JAZF1: variants seen among roughly 807,000 people sequenced by gnomAD.
JAZF1 encodes the protein juxtaposed with another zinc finger protein 1.
Under a neutral mutation model 26.4 loss-of-function variants are expected in JAZF1, and 8 were observed. The ratio of observed to expected loss-of-function variants is 0.30; its 90% CI spans 0.18 to 0.55. The LOEUF is 0.55. JAZF1 is among the 20% of genes least tolerant of loss of function. JAZF1 has a pLI of 0.94. For synonymous variants in JAZF1, 126 were observed against 122.3 expected (o/e 1.03, Z -0.20); for missense variants, 199 against 322.0 (o/e 0.62, Z 2.92).
At chr7:27,942,017 AG>A (rs1329791388) in intron 2 of JAZF1, among the ~76,000 whole-genome samples, 1 of 152,218 alleles carries the variant, frequency 6.6e-6, no homozygotes, top group Non-Finnish European at 1.5e-5. Flanking sequence ...TCACTTCATC[AG>A]AAAAATGGAG....
At chr7:27,837,988 A>G (rs1448805707) in intron 4 of JAZF1, among the ~76,000 whole-genome samples, 5 of 149,330 alleles carry the variant, frequency 3.3e-5, no homozygotes, top group Admixed American at 6.7e-5. Flanking sequence ...AAGCTAATAC[A>G]CTAACAGGAC....
rs529091813 is a variant in JAZF1 at position 27,988,771 on chromosome 7, A to G, written c.188+3138T>C. On this transcript the variant is annotated intron_variant, in intron 2 of 4. Transcript: ENST00000283928. Reference sequence around the variant, plus strand: ...TTTCTGGTAGAATGTAAAATTGCATACATACTATTTTTACAACTTTATAAA... The same window carrying G: ...TTTCTGGTAGAATGTAAAATTGCATGCATACTATTTTTACAACTTTATAAA... Among the ~76,000 whole-genome samples the G allele has an allele frequency of 2.8e-4, 43 of 152,276 alleles. No individual in the cohort carries two copies. In the South Asian group the frequency reaches 8.1e-3, roughly 29 times the overall value.
intron 1 of JAZF1, among the ~76,000 whole-genome samples, chr7:28,138,534 A>C (rs1231432659): frequency 6.6e-6 from 1 of 152,224 alleles, no homozygotes; most frequent in Non-Finnish European, 1.5e-5. Context: ...ACCTGTTGCC[A>C]GCTTCTTTTG....
At chr7:27,914,589 C>T (rs149698994) in intron 2 of JAZF1, 66 of 365,870 alleles carry the variant, frequency 1.8e-4, no homozygotes, top group African/African-American at 1.3e-3. Flanking sequence ...GGAAGTAGCC[C>T]TCACATCCCT....
At chr7:28,120,503 T>TTTTTTTTG (rs1782584129) in intron 1 of JAZF1, among the ~76,000 whole-genome samples, 1 of 73,182 alleles carries the variant, frequency 1.4e-5, no homozygotes, top group Non-Finnish European at 2.3e-5. Context: ...ACACAGTTCT[T>TTTTTTTTG]TTTTTTTTTT....
intron 1 of JAZF1, among the ~76,000 whole-genome samples, chr7:28,149,214 A>G (rs1293749424): frequency 6.6e-6 from 1 of 152,152 alleles, no homozygotes; most frequent in Non-Finnish European, 1.5e-5. Flanking sequence ...CCAATTTCTC[A>G]TATCTTAGCA....
intron 1 of JAZF1, among the ~76,000 whole-genome samples, chr7:28,138,153 A>C (rs1782912625): frequency 6.6e-6 from 1 of 152,208 alleles, no homozygotes; most frequent in Non-Finnish European, 1.5e-5. Flanking sequence ...AACTCTCTGC[A>C]GGGCTTATGT....
At chr7:27,987,013 A>T (rs1056171627) in intron 2 of JAZF1, among the ~76,000 whole-genome samples, 3 of 151,178 alleles carry the variant, frequency 2.0e-5, no homozygotes, top group African/African-American at 7.3e-5. Flanking sequence ...TACAACCTCC[A>T]CCTCCCAGCC....
chr7:28,145,738 T>C (rs1018826930), intron 1 of JAZF1, among the ~76,000 whole-genome samples: 26 of 152,096 alleles, frequency 1.7e-4, no homozygotes, highest in African/African-American at 6.0e-4. Flanking sequence ...AACAGAACAT[T>C]TGCAGCACCC....
chr7:27,934,369 A>G (rs1481545199), intron 2 of JAZF1, among the ~76,000 whole-genome samples: 1 of 152,228 alleles, frequency 6.6e-6, no homozygotes, highest in Non-Finnish European at 1.5e-5. Context: ...GAAGAAAAAG[A>G]GAGAAAATGC....
chr7:28,099,764 C>T (rs1483132941), intron 1 of JAZF1, among the ~76,000 whole-genome samples: 3 of 152,210 alleles, frequency 2.0e-5, no homozygotes, highest in Non-Finnish European at 2.9e-5. Context: ...GCACGATCCA[C>T]CGCGCCTGGC....
chr7:27,979,366 ATTTTTTTTTTTTTTTTTTTTTTTTTT>A (rs55737757), intron 2 of JAZF1, among the ~76,000 whole-genome samples: 7 of 58,392 alleles, frequency 1.2e-4, no homozygotes, highest in South Asian at 7.0e-4. Context: ...GGTACACTAC[ATTTTTTTTTTTTTTTTTTTTTTTTTT>A]TTTTTTTTTT....
chr7:27,857,490 G>A (rs887138733), intron 3 of JAZF1, among the ~76,000 whole-genome samples: 6 of 152,222 alleles, frequency 3.9e-5, no homozygotes, highest in African/African-American at 1.2e-4. Context: ...GGACTCAAGC[G>A]CGGCCAGAGT....
intron 2 of JAZF1, among the ~76,000 whole-genome samples, chr7:27,957,461 G>C (rs183264558): frequency 2.6e-5 from 4 of 152,196 alleles, no homozygotes; most frequent in African/African-American, 9.7e-5. Context: ...GACGCAGCTG[G>C]TGTGAAGCAT....
intron 3 of JAZF1, among the ~76,000 whole-genome samples, chr7:27,871,508 C>T (rs2128338001): frequency 6.6e-6 from 1 of 152,232 alleles, no homozygotes; most frequent in East Asian, 1.9e-4. Context: ...TTCCAGTTAG[C>T]TAAATAAGGA....
intron 1 of JAZF1, among the ~76,000 whole-genome samples, chr7:28,097,828 G>A (rs1784408905): frequency 2.0e-5 from 3 of 152,096 alleles, no homozygotes. Context: ...GGTAAATCTT[G>A]GAAATGCCAT....
intron 2 of JAZF1, among the ~76,000 whole-genome samples, chr7:27,967,548 A>G (rs183755905): frequency 2.0e-5 from 3 of 152,298 alleles, no homozygotes. Flanking sequence ...ATATTACTAA[A>G]TAACAATCTA....
chr7:27,881,918 C>T (rs1188330834), intron 3 of JAZF1, among the ~76,000 whole-genome samples: 2 of 152,162 alleles, frequency 1.3e-5, no homozygotes, highest in African/African-American at 4.8e-5. Flanking sequence ...AGCACCACTT[C>T]ATTTGCCAGA....
chr7:28,045,041 C>T (rs905704324), intron 1 of JAZF1, among the ~76,000 whole-genome samples: 7 of 152,002 alleles, frequency 4.6e-5, no homozygotes, highest in Non-Finnish European at 1.0e-4. Flanking sequence ...GAGACCAGTG[C>T]CTAGCCTAAG....
Sources: allele counts gnomAD v4.1 joint callset (sites outside exome capture counted in the v4.1 genomes callset), GRCh38; gene constraint gnomAD v4.1.1; transcripts MANE v1.5; gene names NCBI Gene and HGNC (gene_info 2026-07-23, HGNC 2026-07-21).